The following RBFOX1 variants were observed in gnomAD, a reference collection of about 807,000 sequenced individuals.
The protein encoded by RBFOX1 is RNA binding protein fox-1 homolog 1.
Under a neutral mutation model 57.7 loss-of-function variants are expected in RBFOX1, and 8 were observed. The ratio of observed to expected loss-of-function variants is 0.14; its 90% CI spans 0.08 to 0.25. The LOEUF (loss-of-function observed/expected upper bound fraction) is 0.25. Ranked by LOEUF, RBFOX1 falls within the 10% of genes least tolerant of loss-of-function variation. The pLI is 1.00. For synonymous variants in RBFOX1, 326 were observed against 222.4 expected, an observed-to-expected ratio of 1.47 and a Z score of -4.15; for missense variants, 611 against 548.5, an observed-to-expected ratio of 1.11 and a Z score of -1.14.
At chr16:5,647,465 C>T (rs140900554) in intron 3 of RBFOX1, among the ~76,000 whole-genome samples, 18 of 152,234 alleles carry the variant, frequency 1.2e-4, no homozygotes, top group Middle Eastern at 3.4e-3. Context: ...CACTGCTGTC[C>T]ACTTCACGGG....
chr16:5,898,924 G>A (rs990262155), intron 4 of RBFOX1, among the ~76,000 whole-genome samples: 5 of 151,272 alleles, frequency 3.3e-5, no homozygotes, highest in Non-Finnish European at 5.9e-5. Flanking sequence ...GTAGCCGGGT[G>A]TGGTGTCATT....
intron 5 of RBFOX1, among the ~76,000 whole-genome samples, chr16:7,538,667 A>G (rs1281317479): frequency 6.6e-6 from 1 of 152,192 alleles, no homozygotes; most frequent in Non-Finnish European, 1.5e-5. Context: ...TTGCTGCCTA[A>G]CAAACTACCC....
At chr16:7,206,593 T>G (rs1309530727) in intron 4 of RBFOX1, among the ~76,000 whole-genome samples, 2 of 152,088 alleles carry the variant, frequency 1.3e-5, no homozygotes, top group South Asian at 2.1e-4. Flanking sequence ...CTGATTTTAT[T>G]GCCAGTCATA....
chr16:5,483,341 T>A (rs1284653260), intron 2 of RBFOX1, among the ~76,000 whole-genome samples: 1 of 152,206 alleles, frequency 6.6e-6, no homozygotes, highest in South Asian at 2.1e-4. Context: ...ACACACTTGG[T>A]CTCGGCCTGT....
At chr16:7,583,361 C>T (rs771128626) in intron 6 of RBFOX1, among the ~76,000 whole-genome samples, 3 of 152,086 alleles carry the variant, frequency 2.0e-5, no homozygotes, top group Admixed American at 1.3e-4. Flanking sequence ...TTTGTCTTCA[C>T]GTTAGGTATC....
chr16:7,409,489 C>T (rs1477897231), intron 4 of RBFOX1, among the ~76,000 whole-genome samples: 1 of 152,208 alleles, frequency 6.6e-6, no homozygotes, highest in Non-Finnish European at 1.5e-5. Context: ...GGCTCCTGAA[C>T]ACAATTCTAT....
At chr16:6,586,897 C>G (rs527468207) in intron 2 of RBFOX1, among the ~76,000 whole-genome samples, 5 of 152,142 alleles carry the variant, frequency 3.3e-5, no homozygotes, top group South Asian at 2.1e-4. Context: ...AAAATTGACA[C>G]TAAAAATTGT....
At chr16:6,601,644 C>T (rs532056940) in intron 2 of RBFOX1, among the ~76,000 whole-genome samples, 1 of 152,230 alleles carries the variant, frequency 6.6e-6, no homozygotes, top group East Asian at 1.9e-4. Flanking sequence ...CGCTCAGGAA[C>T]TCTCAGAGGT....
At chr16:7,486,305 T>G (rs1197967007) in intron 4 of RBFOX1, among the ~76,000 whole-genome samples, 2 of 122,628 alleles carry the variant, frequency 1.6e-5, no homozygotes, top group Non-Finnish European at 3.8e-5. Context: ...TTCATTTTTG[T>G]TTTTTTTGGT....
chr16:7,707,071 A>T (rs1466144201), intron 14 of RBFOX1, among the ~76,000 whole-genome samples: 1 of 152,198 alleles, frequency 6.6e-6, no homozygotes, highest in African/African-American at 2.4e-5. Flanking sequence ...TCACTGACAG[A>T]TTCACCTCAG....
At chr16:6,676,057 G>C (rs1460038013) in intron 3 of RBFOX1, among the ~76,000 whole-genome samples, 1 of 151,748 alleles carries the variant, frequency 6.6e-6, no homozygotes, top group African/African-American at 2.4e-5. Context: ...AAAACTGAAG[G>C]GAAGTCAACA....
intron 3 of RBFOX1, among the ~76,000 whole-genome samples, chr16:6,884,958 A>T (rs747587218): frequency 1.3e-5 from 2 of 152,132 alleles, no homozygotes; most frequent in Non-Finnish European, 2.9e-5. Flanking sequence ...TAAAACTGAG[A>T]CCGCAACCCA....
chr16:6,275,735 A>G (rs1339099688), intron 1 of RBFOX1, among the ~76,000 whole-genome samples: 3 of 152,244 alleles, frequency 2.0e-5, no homozygotes, highest in Non-Finnish European at 4.4e-5. Context: ...CTAAGGATAC[A>G]TAAATGCCAT....
chr16:7,306,105 T>TA (rs2142264617), intron 4 of RBFOX1, among the ~76,000 whole-genome samples: 1 of 152,362 alleles, frequency 6.6e-6, no homozygotes, highest in East Asian at 1.9e-4. Flanking sequence ...GAATATCATT[T>TA]ACCTAGCAAG....
chr16:5,806,620 G>C (rs916682285), intron 3 of RBFOX1, among the ~76,000 whole-genome samples: 1 of 152,188 alleles, frequency 6.6e-6, no homozygotes, highest in African/African-American at 2.4e-5. Flanking sequence ...TGCTGTTCAA[G>C]GGTGAAAAAT....
chr16:5,407,079 G>A (rs1393238694), intron 1 of RBFOX1, among the ~76,000 whole-genome samples: 1 of 152,178 alleles, frequency 6.6e-6, no homozygotes, highest in African/African-American at 2.4e-5. Flanking sequence ...GGAGGCCTCA[G>A]GAAACTTAGC....
chr16:6,945,465 T>C (rs1778062000), intron 3 of RBFOX1, among the ~76,000 whole-genome samples: 1 of 118,272 alleles, frequency 8.5e-6, no homozygotes, highest in Non-Finnish European at 1.8e-5. Flanking sequence ...AATATGGATA[T>C]TTTGATTTTT....
chr16:5,491,250 A>G (rs1255543974), intron 2 of RBFOX1, among the ~76,000 whole-genome samples: 1 of 152,158 alleles, frequency 6.6e-6, no homozygotes, highest in Non-Finnish European at 1.5e-5. Context: ...GCCAGCACCC[A>G]CTTGAAGAAC....
At chr16:7,080,294 A>G (rs1718025592) in intron 4 of RBFOX1, among the ~76,000 whole-genome samples, 1 of 152,104 alleles carries the variant, frequency 6.6e-6, no homozygotes, top group African/African-American at 2.4e-5. Context: ...CTCAGCAGAT[A>G]GCTGAACACT....
Sources: gnomAD v4.1 joint callset for allele counts (sites outside exome capture counted in the v4.1 genomes callset) on GRCh38, gnomAD v4.1.1 for gene constraint, MANE v1.5 for transcripts, NCBI Gene and HGNC (gene_info 2026-07-23, HGNC 2026-07-21) for gene names.